Variants in HNRNPD observed in about 807,000 individuals in gnomAD.
HNRNPD encodes heterogeneous nuclear ribonucleoprotein D, also known as heterogeneous nuclear ribonucleoprotein D0.
Under a neutral mutation model 47.9 loss-of-function variants are expected in HNRNPD, and 3 were observed. The ratio of observed to expected loss-of-function variants is 0.06; its 90% CI spans 0.03 to 0.16. The LOEUF is 0.16. Among genes scored for constraint, HNRNPD ranks in the 10% least tolerant of loss-of-function variants. HNRNPD has a pLI of 1.00. For missense variants in HNRNPD, 287 were observed against 454.2 expected (o/e 0.63, Z 3.35); for synonymous variants, 171 against 165.1 (o/e 1.04, Z -0.28).
intron 2 of HNRNPD, among the ~76,000 whole-genome samples, chr4:82,371,218 A>T (rs1229815799): frequency 6.6e-6 from 1 of 152,220 alleles, no homozygotes; most frequent in East Asian, 1.9e-4. Flanking sequence ...CTTAAAATAA[A>T]TCAAATGTGA....
At chr4:82,372,432 A>C (rs192842981) in intron 1 of HNRNPD, among the ~76,000 whole-genome samples, 20 of 152,298 alleles carry the variant, frequency 1.3e-4, no homozygotes, top group African/African-American at 4.3e-4. Context: ...ACAATACAGG[A>C]TTTGTTTCTC....
At chr4:82,368,861 A>T (rs1719891565) in intron 2 of HNRNPD, among the ~76,000 whole-genome samples, 1 of 152,226 alleles carries the variant, frequency 6.6e-6, no homozygotes, top group African/African-American at 2.4e-5. Context: ...GTCTTTTATA[A>T]TCAGACAGGC....
intron 2 of HNRNPD, among the ~76,000 whole-genome samples, chr4:82,369,161 T>A (rs1192578144): frequency 6.6e-6 from 1 of 152,224 alleles, no homozygotes; most frequent in African/African-American, 2.4e-5. Flanking sequence ...ATGGCATGTA[T>A]ATTTTGCCAG....
intron 7 of HNRNPD, 101 bp downstream of exon 7, chr4:82,356,436 A>G: frequency 1.1e-6 from 1 of 914,024 alleles, no homozygotes; most frequent in Non-Finnish European, 1.7e-6. Context: ...TGAAACCTGA[A>G]GACATTTGCA....
chr4:82,356,570 A>T lies in HNRNPD; in HGVS notation c.967T>A (p.Tyr323Asn). Residue 323 changes from tyrosine to asparagine, a missense_variant, in exon 7 of 9, where the codon TAC becomes AAC. Coordinates refer to ENST00000313899, the MANE Select transcript of HNRNPD (RefSeq NM_031370.3). ...TCACCATATCCATAGTAGTTGTTGT[A>T]ACCAGTGTAGTCATATCCTCCATAA... is the stretch of plus-strand genomic sequence containing the variant. ...GGYGGYDYTG[Y>N]NNYYGYGDYS... The T allele has an allele frequency of 6.2e-7, 1 of 1,610,384 alleles. No individual in the cohort carries two copies. Among genetic ancestry groups the T allele is most frequent in the Non-Finnish European group, 8.5e-7 (1 of 1,178,286 alleles).
Position 82,352,513 on chromosome 4 carries a change from T to G in HNRNPD, c.*1672A>C, listed in dbSNP as rs1007647138. The G allele has an allele frequency of 2.0e-5, 3 of 152,164 alleles. No homozygotes were observed. The highest frequency in any genetic ancestry group is 7.2e-5 in the African/African-American group (3 of 41,436). 9.4% of individuals were successfully genotyped at this position (152,164 alleles called of 1,614,324 possible). Reference sequence around the variant, plus strand: ...GGAGACCCTGTCTCTTAAAAATAATTTTTTATTGAGAGATTTACATAAAAT... The same window carrying G: ...GGAGACCCTGTCTCTTAAAAATAATGTTTTATTGAGAGATTTACATAAAAT... On this transcript the variant is annotated 3_prime_UTR_variant, in exon 9 of 9. Transcript: ENST00000313899.
intron 4 of HNRNPD, 157 bp downstream of exon 4, chr4:82,358,502 G>T: frequency 1.6e-6 from 1 of 640,948 alleles, no homozygotes; most frequent in Non-Finnish European, 2.7e-6. Context: ...AACCTTCAAA[G>T]ACCTGCTAAT....
intron 2 of HNRNPD, among the ~76,000 whole-genome samples, chr4:82,360,684 T>TA (rs1174960424): frequency 6.6e-6 from 1 of 152,110 alleles, no homozygotes; most frequent in Non-Finnish European, 1.5e-5. Context: ...GACTGGGATG[T>TA]GACACTAACT....
intron 5 of HNRNPD, 24 bp downstream of exon 5, chr4:82,357,289 C>A (rs769195840): frequency 6.3e-6 from 10 of 1,593,142 alleles, no homozygotes; most frequent in Non-Finnish European, 8.5e-6. Context: ...GTTTTCTCTA[C>A]AAGTAAATGG....
chr4:82,369,110 T>G (rs1343079832), intron 2 of HNRNPD, among the ~76,000 whole-genome samples: 1 of 152,226 alleles, frequency 6.6e-6, no homozygotes, highest in East Asian at 1.9e-4. Context: ...TTTCCATTGA[T>G]TTTTAAACTT....
intron 2 of HNRNPD, among the ~76,000 whole-genome samples, chr4:82,361,307 A>G (rs1484662795): frequency 1.3e-5 from 2 of 152,208 alleles, no homozygotes; most frequent in Admixed American, 6.5e-5. Context: ...TTATTTACCA[A>G]CATTCACCCT....
At chr4:82,357,205 G>C (rs1723749306) in intron 5 of HNRNPD, 108 bp downstream of exon 5, 1 of 1,264,390 alleles carries the variant, frequency 7.9e-7, no homozygotes, top group Non-Finnish European at 1.1e-6. Flanking sequence ...TAACCAATGA[G>C]AAGTTTTTAA....
chr4:82,361,353 A>T (rs1375092170), intron 2 of HNRNPD, among the ~76,000 whole-genome samples: 1 of 152,236 alleles, frequency 6.6e-6, no homozygotes, highest in Non-Finnish European at 1.5e-5. Flanking sequence ...AATGAGAAAG[A>T]GAACTGACTA....
intron 2 of HNRNPD, 138 bp downstream of exon 2, chr4:82,371,390 A>C: frequency 1.7e-6 from 1 of 579,986 alleles, no homozygotes. Flanking sequence ...AAAGGTATAT[A>C]TCCCAGGTAC....
chr4:82,363,116 G>A (rs542614666), intron 2 of HNRNPD, among the ~76,000 whole-genome samples: 3 of 150,942 alleles, frequency 2.0e-5, no homozygotes, highest in East Asian at 2.0e-4. Flanking sequence ...TCACTCTGTC[G>A]CCCGGGCTGG....
intron 2 of HNRNPD, among the ~76,000 whole-genome samples, chr4:82,365,409 A>G (rs1719699328): frequency 6.6e-6 from 1 of 152,128 alleles, no homozygotes; most frequent in Non-Finnish European, 1.5e-5. Context: ...TTATTCTTCT[A>G]AAATCCTAAA....
At chr4:82,363,342 T>C (rs1216685366) in intron 2 of HNRNPD, among the ~76,000 whole-genome samples, 2 of 152,084 alleles carry the variant, frequency 1.3e-5, no homozygotes, top group African/African-American at 4.8e-5. Context: ...GCCTCCCAAA[T>C]TAGAGGCGCG....
At chr4:82,372,770 A>T (rs777256984) in intron 1 of HNRNPD, among the ~76,000 whole-genome samples, 1 of 152,204 alleles carries the variant, frequency 6.6e-6, no homozygotes, top group African/African-American at 2.4e-5. Context: ...AGAAACTCGG[A>T]GCATTTCACC....
At chr4:82,360,066 TTTTCTATTTTAACAG>T (rs1282298478) in intron 2 of HNRNPD, among the ~76,000 whole-genome samples, 1 of 152,174 alleles carries the variant, frequency 6.6e-6, no homozygotes, top group Admixed American at 6.5e-5. Flanking sequence ...CTGAAGCTCC[TTTTCTATTTTAACAG>T]TTCTCTCATT....
Sources: gnomAD v4.1 joint callset for allele counts (sites outside exome capture counted in the v4.1 genomes callset) on GRCh38, gnomAD v4.1.1 for gene constraint, MANE v1.5 for transcripts, NCBI Gene and HGNC (gene_info 2026-07-23, HGNC 2026-07-21) for gene names.